Variants in GRB2 observed in about 807,000 individuals in gnomAD.
The protein encoded by GRB2 is growth factor receptor-bound protein 2.
Under a neutral mutation model 27.4 loss-of-function variants are expected in GRB2, and 2 were observed. The ratio of observed to expected loss-of-function variants is 0.07; its 90% CI spans 0.03 to 0.23. GRB2 has a LOEUF of 0.23. GRB2 is among the 10% of genes least tolerant of loss of function. The probability of loss-of-function intolerance (pLI) is 1.00; values close to 1 mark genes in which losing one functional copy is unlikely to be tolerated. For synonymous variants in GRB2, 94 were observed against 99.6 expected (o/e 0.94, Z 0.33); for missense variants, 102 against 282.4 (o/e 0.36, Z 4.58).
chr17:75,326,110 T>TCTGGCAAGGAGTG, intron 3 of GRB2, 90 bp from the exon 4 acceptor site: 1 of 1,480,790 alleles, frequency 6.8e-7, no homozygotes, highest in Non-Finnish European at 9.4e-7. Flanking sequence ...ACAACACTCC[T>TCTGGCAAGGAGTG]TGCCAGAGGA....
Position 75,321,605 on chromosome 17 carries a change from C to G in GRB2, c.468+54G>C, listed in dbSNP as rs1291954275. 6 of 1,547,350 alleles carry G rather than the reference C, an allele frequency of 3.9e-6. No individual in the cohort carries two copies. In the African/African-American group the frequency reaches 6.8e-5, roughly 18 times the overall value. On this transcript the variant is annotated intron_variant, in intron 5 of 5. Coordinates refer to ENST00000316804, the MANE Select transcript of GRB2 (RefSeq NM_002086.5). ...CTCCCCTTTCCTACAGGAATGCACA[C>G]TGAGGAGCTATTCTTAACTAAAAAT... is the stretch of plus-strand genomic sequence containing the variant.
Position 75,334,361 on chromosome 17 carries a change from C to T in GRB2, c.79-1564G>A, listed in dbSNP as rs534310247. On this transcript the variant is annotated intron_variant, in intron 2 of 5. Coordinates refer to ENST00000316804, the MANE Select transcript of GRB2 (RefSeq NM_002086.5). ...AATTTTTTGTATTTTTTAGTAGAGA[C>T]GGGGTTTCACCATGTTAGCCAGGAT... is the stretch of plus-strand genomic sequence containing the variant. 9.9e-5 allele frequency among the ~76,000 whole-genome samples: 15 copies of T among 151,894 alleles called. No individual in the cohort carries two copies. In the South Asian group the frequency reaches 3.1e-3, roughly 32 times the overall value.
intron 1 of GRB2, among the ~76,000 whole-genome samples, chr17:75,404,550 G>A (rs937423047): frequency 3.3e-5 from 5 of 151,508 alleles, no homozygotes; most frequent in Non-Finnish European, 7.4e-5. Flanking sequence ...AAAAGGGGGG[G>A]GTGGGGGGAG....
chr17:75,341,705 G>A (rs2078622789), intron 2 of GRB2, among the ~76,000 whole-genome samples: 1 of 152,006 alleles, frequency 6.6e-6, no homozygotes, highest in Admixed American at 6.6e-5. Flanking sequence ...AAGGAGTTGT[G>A]CCCCATGAAT....
At chr17:75,396,039 T>C (rs1334242117) in intron 1 of GRB2, among the ~76,000 whole-genome samples, 1 of 152,094 alleles carries the variant, frequency 6.6e-6, no homozygotes, top group South Asian at 2.1e-4. Context: ...GATTTCACCA[T>C]GTTGGCCAGG....
chr17:75,403,170 A>AT (rs2079075099), intron 1 of GRB2, among the ~76,000 whole-genome samples: 1 of 147,362 alleles, frequency 6.8e-6, no homozygotes, highest in Admixed American at 6.8e-5. Context: ...ATATATATAT[A>AT]AATATATATA....
chr17:75,339,178 T>C, intron 2 of GRB2: 5 of 929,732 alleles, frequency 5.4e-6, no homozygotes, highest in Non-Finnish European at 8.5e-6. Context: ...ATGAAGACAA[T>C]AAAATCCTGA....
At position 75,390,101 on chromosome 17, in the gene GRB2, T is replaced by C. The variant is rs752572224; in HGVS notation, c.78+3450A>G. On this transcript the variant is annotated intron_variant, in intron 2 of 5. Coordinates refer to ENST00000316804, the MANE Select transcript of GRB2 (RefSeq NM_002086.5). Reference sequence around the variant, plus strand: ...CCAGGCAGTGCTGAGACAGAATGCTTTGAAGATCTCAATGTGAACTCAAGA... The same window carrying C: ...CCAGGCAGTGCTGAGACAGAATGCTCTGAAGATCTCAATGTGAACTCAAGA... Among the ~76,000 whole-genome samples, 33 of 152,284 alleles carry C rather than the reference T, an allele frequency of 2.2e-4. No homozygotes were observed. In the Middle Eastern group the frequency reaches 0.014, roughly 63 times the overall value.
chr17:75,348,274 G>T (rs952134011), intron 2 of GRB2, among the ~76,000 whole-genome samples: 1 of 152,150 alleles, frequency 6.6e-6, no homozygotes, highest in Non-Finnish European at 1.5e-5. Flanking sequence ...TGGAACTCCT[G>T]GTCTCAAGGT....
At chr17:75,377,085 G>A (rs555467880) in intron 2 of GRB2, among the ~76,000 whole-genome samples, 28 of 151,150 alleles carry the variant, frequency 1.9e-4, no homozygotes, top group African/African-American at 6.8e-4. Flanking sequence ...GGGAGGCTGA[G>A]ATGGGAGGAT....
chr17:75,396,278 T>C (rs2079028763), intron 1 of GRB2, among the ~76,000 whole-genome samples: 1 of 151,078 alleles, frequency 6.6e-6, no homozygotes, highest in Admixed American at 6.6e-5. Context: ...GGTCTTGCAC[T>C]GTTGTCCAGG....
At chr17:75,360,362 T>G (rs1224016311) in intron 2 of GRB2, among the ~76,000 whole-genome samples, 1 of 152,212 alleles carries the variant, frequency 6.6e-6, no homozygotes, top group African/African-American at 2.4e-5. Context: ...CCTGGTAATT[T>G]TAAGCCCTTC....
At position 75,393,664 on chromosome 17, in the gene GRB2, G is replaced by C. The variant is rs964282095; in HGVS notation, c.-36C>G. 7.7e-6 allele frequency: 12 copies of C among 1,565,164 alleles called. No homozygotes were observed. The highest frequency in any genetic ancestry group is 4.5e-5 in the East Asian group (2 of 44,628). ...GCTCAGTGCTCAGCAGCCTGAAGCAGGGGGAAGGGAGTCTTCCCTGCTGAA... is the reference window on the plus strand; with the variant it reads ...GCTCAGTGCTCAGCAGCCTGAAGCACGGGGAAGGGAGTCTTCCCTGCTGAA... On this transcript the variant is annotated 5_prime_UTR_variant, in exon 2 of 6. Transcript: ENST00000316804.
rs2078447134 is a variant in GRB2, at chr17:75,319,990, A to T, written c.*378T>A. 5.8e-6 allele frequency: 1 copy of T among 172,190 alleles called. No homozygotes were observed. The highest frequency in any genetic ancestry group is 1.3e-5 in the Non-Finnish European group (1 of 78,772). 10.7% of individuals were successfully genotyped at this position (172,190 alleles called of 1,614,324 possible). On this transcript the variant is annotated 3_prime_UTR_variant, in exon 6 of 6. Transcript: ENST00000316804. ...ATTCCAACTAAAACAGACATTTTGC[A>T]TAGAGAGAATACCAGCCCACTTGGT...
rs1447073721 is a variant in GRB2 at position 75,358,716 on chromosome 17, A to C, written c.79-25919T>G. Among the ~76,000 whole-genome samples the C allele has an allele frequency of 1.4e-3, 206 of 146,352 alleles. 1 individual carries two copies. Among genetic ancestry groups the C allele is most frequent in the Non-Finnish European group, 2.7e-3 (179 of 66,780 alleles). On this transcript the variant is annotated intron_variant, in intron 2 of 5. Coordinates refer to ENST00000316804, the MANE Select transcript of GRB2 (RefSeq NM_002086.5). The stretch of plus-strand genomic sequence containing the variant: ...CATCTCTACTAAAAAAAAAAAAAAA[A>C]AAAAAAAAAACAAAAAATTAGCTGG...
Position 75,320,185 on chromosome 17 carries a change from AT to A in GRB2, c.*182del. On this transcript the variant is annotated 3_prime_UTR_variant, in exon 6 of 6. Coordinates refer to ENST00000316804, the MANE Select transcript of GRB2 (RefSeq NM_002086.5). The surrounding 1 kb of genome is among the most constrained non-coding windows in gnomAD (Gnocchi z 4.3). ...TCTTAATTTATAGGTAAGTTTTGGCATTTTTAAATCCAACGCCCCCTCCCAC... is the reference window on the plus strand; with the variant it reads ...TCTTAATTTATAGGTAAGTTTTGGCATTTTAAATCCAACGCCCCCTCCCAC... The A allele has an allele frequency of 1.8e-6, 1 of 557,034 alleles. No individual in the cohort carries two copies. 34.5% of individuals were successfully genotyped at this position (557,034 alleles called of 1,614,324 possible).
intron 2 of GRB2, among the ~76,000 whole-genome samples, chr17:75,356,788 C>G (rs570280832): frequency 1.3e-5 from 2 of 152,332 alleles, no homozygotes; most frequent in East Asian, 3.9e-4. Flanking sequence ...ATTTCCTTCA[C>G]CTTGAAGCAC....
At chr17:75,398,127 A>G (rs1308153186) in intron 1 of GRB2, among the ~76,000 whole-genome samples, 2 of 151,694 alleles carry the variant, frequency 1.3e-5, no homozygotes, top group Admixed American at 1.3e-4. Context: ...CCAGCCTTCA[A>G]AAGAAATTTT....
intron 2 of GRB2, among the ~76,000 whole-genome samples, chr17:75,389,063 C>G (rs2078982456): frequency 6.6e-6 from 1 of 152,162 alleles, no homozygotes; most frequent in African/African-American, 2.4e-5. Context: ...GGGCCCCAGC[C>G]TTGCCCCCTT....
Sources: gnomAD v4.1 joint callset for allele counts (sites outside exome capture counted in the v4.1 genomes callset) on GRCh38, gnomAD v4.1.1 for gene constraint, Gnocchi (gnomAD v3.1) non-coding constraint, MANE v1.5 for transcripts, NCBI Gene and HGNC (gene_info 2026-07-23, HGNC 2026-07-21) for gene names.